Variants in CFAP58 observed in about 807,000 individuals in gnomAD.
CFAP58 encodes cilia and flagella associated protein 58, also known as cilia- and flagella-associated protein 58.
In CFAP58, 88 loss-of-function variants were observed where a neutral mutation model predicts 119.5. That is an observed-to-expected ratio of 0.74 (90% CI 0.62 to 0.88). The LOEUF (loss-of-function observed/expected upper bound fraction) is 0.88, where lower values mean the gene tolerates loss of function less well. Among genes scored for constraint, CFAP58 ranks in the 40% least tolerant of loss-of-function variants. CFAP58 has a pLI of 0.00. For missense variants in CFAP58, 990 were observed against 1,021.2 expected, an observed-to-expected ratio of 0.97 and a Z score of 0.42; for synonymous variants, 365 against 366.3, an observed-to-expected ratio of 1.00 and a Z score of 0.04.
intron 9 of CFAP58, among the ~76,000 whole-genome samples, chr10:104,390,697 C>T (rs1182719239): frequency 1.3e-5 from 2 of 151,982 alleles, no homozygotes; most frequent in African/African-American, 4.8e-5. Flanking sequence ...AGATTGTTAA[C>T]CTAGTTTTGT....
At chr10:104,401,513 C>T (rs1034248939) in intron 13 of CFAP58, among the ~76,000 whole-genome samples, 8 of 152,152 alleles carry the variant, frequency 5.3e-5, no homozygotes, top group Non-Finnish European at 1.2e-4. Flanking sequence ...TTTGGGAAAA[C>T]GTCACCATGT....
chr10:104,362,292 T>C, intron 3 of CFAP58, 121 bp downstream of exon 3: 3 of 813,492 alleles, frequency 3.7e-6, no homozygotes, highest in South Asian at 2.1e-5. Flanking sequence ...CTCTTCTTTA[T>C]TGGGTTCTTA....
At chr10:104,404,617 C>CTT (rs982868507) in intron 14 of CFAP58, among the ~76,000 whole-genome samples, 1 of 147,624 alleles carries the variant, frequency 6.8e-6, no homozygotes, top group Non-Finnish European at 1.5e-5. Flanking sequence ...TTTTGTTTTT[C>CTT]TTTTTTTTTT....
intron 15 of CFAP58, among the ~76,000 whole-genome samples, chr10:104,428,636 A>G (rs569250985): frequency 6.6e-6 from 1 of 152,242 alleles, no homozygotes; most frequent in Non-Finnish European, 1.5e-5. Flanking sequence ...CAGGAAAGAG[A>G]GACAAGGGTG....
intron 15 of CFAP58, among the ~76,000 whole-genome samples, chr10:104,424,350 G>A (rs899005880): frequency 3.3e-5 from 5 of 152,158 alleles, no homozygotes; most frequent in African/African-American, 1.2e-4. Flanking sequence ...TCCAATGTGT[G>A]TAGGGGCCAG....
the CFAP58 span, among the ~76,000 whole-genome samples, chr10:104,342,463 A>ATG: frequency 7.9e-5 from 12 of 152,132 alleles, no homozygotes; most frequent in African/African-American, 2.9e-4. Flanking sequence ...ATGTGTATAC[A>ATG]TGTGTGTGTG....
chr10:104,390,180 T>C (rs1290213418), intron 9 of CFAP58, among the ~76,000 whole-genome samples: 2 of 152,184 alleles, frequency 1.3e-5, no homozygotes, highest in African/African-American at 4.8e-5. Context: ...CATACAAAAA[T>C]GTTTCCTGTA....
intron 3 of CFAP58, among the ~76,000 whole-genome samples, chr10:104,363,170 T>C (rs1337336219): frequency 2.0e-5 from 3 of 152,166 alleles, no homozygotes; most frequent in African/African-American, 7.2e-5. Context: ...TTACCTCCAG[T>C]ATGGCACTGA....
At chr10:104,404,031 A>AT (rs1183817375) in intron 14 of CFAP58, among the ~76,000 whole-genome samples, 191 bp downstream of exon 14, 1 of 152,214 alleles carries the variant, frequency 6.6e-6, no homozygotes, top group Admixed American at 6.5e-5. Context: ...GTTTTGTTTT[A>AT]AAAGTCTTGC....
At chr10:104,401,054 A>G (rs867798448) in intron 13 of CFAP58, 151 bp downstream of exon 13, 2 of 616,486 alleles carry the variant, frequency 3.2e-6, no homozygotes, top group South Asian at 2.2e-5. Flanking sequence ...AAATAATAAG[A>G]GCAGCTTTTC....
At chr10:104,356,950 C>G (rs2014550903) in intron 1 of CFAP58, among the ~76,000 whole-genome samples, 1 of 152,196 alleles carries the variant, frequency 6.6e-6, no homozygotes, top group African/African-American at 2.4e-5. Flanking sequence ...CATACCCATT[C>G]TTCTTCATTA....
intron 15 of CFAP58, among the ~76,000 whole-genome samples, chr10:104,414,062 G>A (rs748827044): frequency 6.6e-6 from 1 of 152,152 alleles, no homozygotes; most frequent in Non-Finnish European, 1.5e-5. Flanking sequence ...ATAGTCAGAG[G>A]CCAAAGGGAG....
chr10:104,422,104 T>C (rs2012669054), intron 15 of CFAP58, among the ~76,000 whole-genome samples: 1 of 151,978 alleles, frequency 6.6e-6, no homozygotes, highest in African/African-American at 2.4e-5. Context: ...AGAGAATCGC[T>C]CGAAGGTTGC....
At chr10:104,439,897 GCAAGCT>G (rs1391304032) in intron 15 of CFAP58, among the ~76,000 whole-genome samples, 3 of 152,268 alleles carry the variant, frequency 2.0e-5, no homozygotes, top group Non-Finnish European at 4.4e-5. Flanking sequence ...TCGGCTCACT[GCAAGCT>G]CCGCCTTCCG....
At chr10:104,383,771 C>CAT (rs1410417470) in intron 9 of CFAP58, among the ~76,000 whole-genome samples, 2 of 151,220 alleles carry the variant, frequency 1.3e-5, no homozygotes, top group Non-Finnish European at 3.0e-5. Context: ...CACACACACA[C>CAT]ACACACACAC....
chr10:104,393,590 C>A, intron 11 of CFAP58, 115 bp downstream of exon 11: 2 of 992,142 alleles, frequency 2.0e-6, no homozygotes, highest in Non-Finnish European at 2.9e-6. Context: ...TGCCTGTGGT[C>A]ACAGTTGCTA....
chr10:104,393,432 ACCTGGAACAGCAG>A lies in CFAP58; in HGVS notation c.1633_1645del (p.Leu545GlufsTer2), dbSNP rs1450546121. The A allele has an allele frequency of 1.9e-6, 3 of 1,614,070 alleles. No homozygotes were observed. Among genetic ancestry groups the A allele is most frequent in the Non-Finnish European group, 1.7e-6 (2 of 1,179,948 alleles). On this transcript the variant is annotated frameshift_variant, in exon 11 of 18. Coordinates refer to ENST00000369704, the MANE Select transcript of CFAP58 (RefSeq NM_001008723.2). LOFTEE classifies it high-confidence loss of function. ...AAAGAGTCCGCACTTGTGAAGCTGC[ACCTGGAACAGCAG>A]CGAATAGAAAAGGAAAAGGAAACAT... is the stretch of plus-strand genomic sequence containing the variant.
chr10:104,356,598 A>G (rs891991662), intron 1 of CFAP58, among the ~76,000 whole-genome samples: 7 of 152,130 alleles, frequency 4.6e-5, no homozygotes, highest in African/African-American at 1.4e-4. Flanking sequence ...CTTTGAATGT[A>G]ATTCAGTGTC....
rs2011841474 is a variant in CFAP58 at position 104,382,816 on chromosome 10, C to T, written c.1365+2596C>T. Among the ~76,000 whole-genome samples, 8 of 152,326 alleles carry T rather than the reference C, an allele frequency of 5.3e-5. No individual in the cohort carries two copies. The Middle Eastern group carries it at 0.027, about 518-fold the overall frequency. On this transcript the variant is annotated intron_variant, in intron 9 of 17. Transcript: ENST00000369704. ...GATTGTAAGTTTCCTGAGGCTTCCCCAGCCAGCGGAACTGGGAGTCAATTA... is the reference window on the plus strand; with the variant it reads ...GATTGTAAGTTTCCTGAGGCTTCCCTAGCCAGCGGAACTGGGAGTCAATTA...
Sources: allele counts gnomAD v4.1 joint callset (sites outside exome capture counted in the v4.1 genomes callset), GRCh38; gene constraint gnomAD v4.1.1; transcripts MANE v1.5; gene names NCBI Gene and HGNC (gene_info 2026-07-23, HGNC 2026-07-21).